The following ENG variants were observed in gnomAD, a reference collection of about 807,000 sequenced individuals.
ENG encodes CD105 antigen.
A neutral mutation model predicts 71.0 loss-of-function variants in ENG; 17 were observed. That is an observed-to-expected ratio of 0.24 (90% CI 0.16 to 0.36). The LOEUF (loss-of-function observed/expected upper bound fraction) is 0.36. Ranked by LOEUF, ENG falls within the 10% of genes least tolerant of loss-of-function variation. ENG has a pLI of 1.00. For missense variants in ENG, 749 were observed against 868.3 expected (o/e 0.86, Z 1.73); for synonymous variants, 360 against 366.9 (o/e 0.98, Z 0.21).
chr9:127,829,002 C>T (rs1830695830), intron 3 of ENG, among the ~76,000 whole-genome samples: 1 of 152,168 alleles, frequency 6.6e-6, no homozygotes, highest in Non-Finnish European at 1.5e-5. Context: ...CTGCCTCCTC[C>T]AGCCCTGACC....
chr9:127,852,717 G>C (rs1456777200), intron 1 of ENG, among the ~76,000 whole-genome samples: 2 of 152,058 alleles, frequency 1.3e-5, no homozygotes, highest in Non-Finnish European at 2.9e-5. Context: ...AGGTGCTACC[G>C]GGCACTGATT....
At chr9:127,852,633 G>A (rs4837192) in intron 1 of ENG, among the ~76,000 whole-genome samples, 115,645 of 151,870 alleles carry the variant, frequency 0.76, 46,211 homozygotes, top group South Asian at 0.89. Context: ...CTTTCTAATC[G>A]TTTTACACCC....
Position 127,818,142 on chromosome 9 carries a change from G to A in ENG, c.1664C>T (p.Pro555Leu). The A allele has an allele frequency of 6.2e-7, 1 of 1,614,194 alleles. No individual in the cohort carries two copies. Reference sequence around the variant, plus strand: ...CACCTGGTCTTGAGACCCGGTCTTGGGACGCAGGGCTACCGTGCAGCTGAG... The same window carrying A: ...CACCTGGTCTTGAGACCCGGTCTTGAGACGCAGGGCTACCGTGCAGCTGAG... Reference protein sequence around the residue: ...GTLSCTVALRPKTGSQDQEVH... With the variant: ...GTLSCTVALRLKTGSQDQEVH... Residue 555 changes from proline (P) to leucine (L), a missense_variant, in exon 12 of 15, where the codon CCC becomes CTC. Transcript: ENST00000373203.
chr9:127,847,539 C>T (rs1831195232), intron 1 of ENG, among the ~76,000 whole-genome samples: 1 of 151,458 alleles, frequency 6.6e-6, no homozygotes, highest in South Asian at 2.1e-4. Flanking sequence ...CTCACTATAA[C>T]CTCCCCGTCC....
chr9:127,837,188 T>C (rs1830921095), intron 2 of ENG, among the ~76,000 whole-genome samples: 2 of 152,050 alleles, frequency 1.3e-5, no homozygotes, highest in Admixed American at 1.3e-4. Context: ...CAGTTAGAGG[T>C]GGGCTGCAGC....
rs147410936 is a variant in ENG, at chr9:127,847,720, C to G, written c.68-4475G>C. Among the ~76,000 whole-genome samples, 355 of 152,160 alleles carry G rather than the reference C, an allele frequency of 2.3e-3. 3 individuals are homozygous for G. The highest frequency in any genetic ancestry group is 8.2e-3 in the African/African-American group (340 of 41,508). On this transcript the variant is annotated intron_variant, in intron 1 of 14. Coordinates refer to ENST00000373203, the MANE Select transcript of ENG (RefSeq NM_001114753.3). ...CCATCTCAGCCTCCCAAGGAAGATACGTTTCAACAAGGGTCCTTCTTGCTG... is the reference window on the plus strand; with the variant it reads ...CCATCTCAGCCTCCCAAGGAAGATAGGTTTCAACAAGGGTCCTTCTTGCTG...
At position 127,825,351 on chromosome 9, in the gene ENG, C is replaced by A. The variant is rs1830584277; in HGVS notation, c.696G>T (p.Arg232=). 6.2e-7 allele frequency: 1 copy of A among 1,610,036 alleles called. No homozygotes were observed. The highest frequency in any genetic ancestry group is 1.1e-5 in the South Asian group (1 of 90,902). The change falls in exon 6 of 15, where the codon CGG becomes CGT. Residue 232 remains arginine, a synonymous_variant. Coordinates refer to ENST00000373203, the MANE Select transcript of ENG (RefSeq NM_001114753.3). ...TCAGTTCCACCTTCACCGTCACCGT[C>A]CGGGGCCTGCGGGGAGACAGACGCG... ...RVLPGHSAGP[R]TVTVKVELSC...
chr9:127,854,084 G>C (rs1462829948), intron 1 of ENG, among the ~76,000 whole-genome samples: 2 of 152,228 alleles, frequency 1.3e-5, no homozygotes, highest in Non-Finnish European at 2.9e-5. Flanking sequence ...AGTCAGCCCA[G>C]TTTGCCCGAG....
intron 1 of ENG, 39 bp from the exon 2 acceptor site, chr9:127,843,284 A>G: frequency 6.2e-7 from 1 of 1,613,702 alleles, no homozygotes. Context: ...AGGTGAGAAT[A>G]AGGTGATGAC....
intron 3 of ENG, 27 bp from the exon 4 acceptor site, chr9:127,826,699 C>T (rs754756589): frequency 1.1e-5 from 17 of 1,612,136 alleles, no homozygotes; most frequent in African/African-American, 6.7e-5. Context: ...AGGCTCAGCA[C>T]GCTGTTCCTG....
intron 13 of ENG, chr9:127,816,910 G>T (rs565346967): frequency 6.8e-6 from 4 of 591,328 alleles, no homozygotes; most frequent in South Asian, 5.9e-5. Flanking sequence ...CAGAGGCCTA[G>T]ACTCCCACCC....
In ENG at chr9:127,815,343, T is replaced by C. The variant is rs1268947200; in HGVS notation, c.*339A>G. On this transcript the variant is annotated 3_prime_UTR_variant, in exon 15 of 15. Coordinates refer to ENST00000373203, the MANE Select transcript of ENG (RefSeq NM_001114753.3). ...GGGCTGGCCTGAATCTGTTTCAAGT[T>C]CTCCCTTCCTGCCCAGCTCAGTTCA... 2 of 293,436 alleles carry C rather than the reference T, an allele frequency of 6.8e-6. No individual in the cohort carries two copies. The highest frequency in any genetic ancestry group is 9.5e-5 in the Admixed American group (2 of 21,128). 18.2% of individuals were successfully genotyped at this position (293,436 alleles called of 1,614,324 possible). A position where few individuals can be genotyped will look rare whatever the true frequency, so the allele number is the denominator to read the frequency against.
Position 127,824,418 on chromosome 9 carries a change from C to A in ENG, c.1020G>T (p.Pro340=). ...CGGRLQTSPA[P]IQTTPPKDTC... Reference sequence around the variant, plus strand: ...TGTCCTTGGGAGGAGTGGTCTGGATCGGTGCGGGTGAGGTCTGCAGCCTAC... The same window carrying A: ...TGTCCTTGGGAGGAGTGGTCTGGATAGGTGCGGGTGAGGTCTGCAGCCTAC... The change falls in exon 8 of 15, where the codon CCG becomes CCT. Residue 340 remains proline, a synonymous_variant. Coordinates refer to ENST00000373203, the MANE Select transcript of ENG (RefSeq NM_001114753.3). 1 of 1,602,922 alleles carries A rather than the reference C, an allele frequency of 6.2e-7. No homozygotes were observed. Among genetic ancestry groups the A allele is most frequent in the Non-Finnish European group, 8.5e-7 (1 of 1,173,902 alleles).
At chr9:127,818,416 C>G (rs1830387737) in intron 11 of ENG, 39 bp from the exon 12 acceptor site, 6 of 1,609,098 alleles carry the variant, frequency 3.7e-6, no homozygotes, top group Middle Eastern at 1.7e-4. Flanking sequence ...TGGGCAGCTG[C>G]TCTTCACCCC....
intron 8 of ENG, among the ~76,000 whole-genome samples, chr9:127,823,016 A>G (rs1427629010): frequency 6.6e-6 from 1 of 151,020 alleles, no homozygotes; most frequent in East Asian, 1.9e-4. Context: ...AATTTTTTCT[A>G]TTTTAGTAGA....
Position 127,842,392 on chromosome 9 carries a change from C to T in ENG, c.219+702G>A, listed in dbSNP as rs933259531. 2.8e-4 allele frequency among the ~76,000 whole-genome samples: 43 copies of T among 151,438 alleles called. 1 individual carries two copies. Among genetic ancestry groups the T allele is most frequent in the Non-Finnish European group, 1.5e-4 (10 of 67,832 alleles). On this transcript the variant is annotated intron_variant, in intron 2 of 14. Coordinates refer to ENST00000373203, the MANE Select transcript of ENG (RefSeq NM_001114753.3). The stretch of plus-strand genomic sequence containing the variant: ...TACAGGCATGCGCCACTATGCCTAG[C>T]TAATTTTTGTATTTTTATTTTATTT...
chr9:127,819,537 C>G (rs999574687), intron 10 of ENG, 85 bp downstream of exon 10: 3 of 1,591,678 alleles, frequency 1.9e-6, no homozygotes, highest in Middle Eastern at 2.2e-4. Context: ...TTTCCCGAGG[C>G]CTGCTCCCTC....
chr9:127,829,840 G>C lies in ENG; in HGVS notation c.220-13C>G. 6.2e-7 allele frequency: 1 copy of C among 1,613,632 alleles called. No homozygotes were observed. Among genetic ancestry groups the C allele is most frequent in the South Asian group, 1.1e-5 (1 of 91,070 alleles). ...GCTGTGACGGGCCCTGGGGGACACA[G>C]AGGAGAGACACACACAGTCCAGTCA... On this transcript the variant is annotated splice_polypyrimidine_tract_variant and intron_variant, in intron 2 of 14. Transcript: ENST00000373203.
chr9:127,854,069 G>C (rs193016014), intron 1 of ENG, among the ~76,000 whole-genome samples: 5 of 152,348 alleles, frequency 3.3e-5, no homozygotes, highest in Admixed American at 3.3e-4. Context: ...GGGTTAAAGT[G>C]AAAGAGTCAG....
Sources: allele counts gnomAD v4.1 joint callset (sites outside exome capture counted in the v4.1 genomes callset), GRCh38; gene constraint gnomAD v4.1.1; transcripts MANE v1.5; gene names NCBI Gene and HGNC (gene_info 2026-07-23, HGNC 2026-07-21).